Variants in CACNA2D1 observed in about 807,000 individuals in gnomAD.
CACNA2D1 encodes calcium voltage-gated channel auxiliary subunit alpha2delta 1, also known as voltage-dependent calcium channel subunit alpha-2/delta-1.
CACNA2D1 carries 53 observed loss-of-function variants against 171.5 expected under a neutral mutation model. The observed-to-expected ratio is 0.31, with a 90% CI of 0.25 to 0.39. The LOEUF (loss-of-function observed/expected upper bound fraction) is 0.39, where lower values mean the gene tolerates loss of function less well. Ranked by LOEUF, CACNA2D1 falls within the 10% of genes least tolerant of loss-of-function variation. The pLI is 1.00. For missense variants in CACNA2D1, 903 were observed against 1,299.8 expected, an observed-to-expected ratio of 0.69 and a Z score of 4.69; for synonymous variants, 442 against 443.1, an observed-to-expected ratio of 1.00 and a Z score of 0.03.
At position 82,388,690 on chromosome 7, in the gene CACNA2D1, C is replaced by A. The variant is rs187085968; in HGVS notation, c.96-39041G>T. The stretch of plus-strand genomic sequence containing the variant: ...TATATGAGGTCCTGTACAGTGTGCA[C>A]CTTCTGCAGACGAGAAAAGAATGCT... On this transcript the variant is annotated intron_variant, in intron 1 of 38. Coordinates refer to ENST00000356860, the MANE Select transcript of CACNA2D1 (RefSeq NM_000722.4). 3.7e-3 allele frequency among the ~76,000 whole-genome samples: 565 copies of A among 152,296 alleles called. 3 individuals carry two copies. The highest frequency in any genetic ancestry group is 0.012 in the African/African-American group (511 of 41,554).
At chr7:82,170,703 C>G in intron 3 of CACNA2D1, 94 bp from the exon 4 acceptor site, 1 of 1,085,620 alleles carries the variant, frequency 9.2e-7, no homozygotes, top group Non-Finnish European at 1.4e-6. Context: ...ATTTTGAGGA[C>G]ATAAAAAGCA....
intron 6 of CACNA2D1, among the ~76,000 whole-genome samples, chr7:82,105,534 T>G (rs1351112135): frequency 1.3e-5 from 2 of 150,652 alleles, no homozygotes; most frequent in Admixed American, 6.6e-5. Flanking sequence ...AGGTGTAGAT[T>G]AAATAGAGGA....
At chr7:82,062,227 T>C (rs1197479817) in intron 9 of CACNA2D1, among the ~76,000 whole-genome samples, 3 of 152,148 alleles carry the variant, frequency 2.0e-5, no homozygotes, top group East Asian at 1.9e-4. Context: ...AGAAACAAGA[T>C]AGAGGCAACC....
chr7:82,191,878 T>TA lies in CACNA2D1; in HGVS notation c.295-21270dup, dbSNP rs1798330999. ...GCTGTAACATACAAGCTTAATGAGA[T>TA]ACGCTTTTCTCTCAATGAGGTTTCA... On this transcript the variant is annotated intron_variant, in intron 3 of 38. Coordinates refer to ENST00000356860, the MANE Select transcript of CACNA2D1 (RefSeq NM_000722.4). 2.6e-5 allele frequency among the ~76,000 whole-genome samples: 4 copies of TA among 151,926 alleles called. No individual in the cohort carries two copies. In the South Asian group the frequency reaches 8.3e-4, roughly 31 times the overall value.
intron 21 of CACNA2D1, among the ~76,000 whole-genome samples, chr7:81,989,006 G>T (rs935058948): frequency 6.6e-6 from 1 of 152,128 alleles, no homozygotes; most frequent in African/African-American, 2.4e-5. Flanking sequence ...ATTTTAAATA[G>T]GATCGTTGGA....
intron 1 of CACNA2D1, among the ~76,000 whole-genome samples, chr7:82,394,700 T>A (rs920946733): frequency 6.6e-6 from 1 of 152,204 alleles, no homozygotes; most frequent in Admixed American, 6.5e-5. Flanking sequence ...TAAAGATTTA[T>A]CAAATTCAGG....
intron 6 of CACNA2D1, among the ~76,000 whole-genome samples, chr7:82,086,688 A>C (rs1034682713): frequency 6.6e-6 from 1 of 152,162 alleles, no homozygotes; most frequent in African/African-American, 2.4e-5. Context: ...TTTATGATCC[A>C]GATAGACTTC....
intron 11 of CACNA2D1, 68 bp from the exon 12 acceptor site, chr7:82,032,969 A>G: frequency 1.1e-6 from 1 of 886,230 alleles, no homozygotes; most frequent in Non-Finnish European, 1.9e-6. Flanking sequence ...ATAAAGCTAT[A>G]TGGAACGAGC....
chr7:82,049,226 C>T (rs1469184574), intron 10 of CACNA2D1, among the ~76,000 whole-genome samples: 1 of 151,246 alleles, frequency 6.6e-6, no homozygotes, highest in Non-Finnish European at 1.5e-5. Flanking sequence ...TTCTTACTGT[C>T]CATAATTTCT....
intron 3 of CACNA2D1, among the ~76,000 whole-genome samples, chr7:82,319,457 G>A (rs1815539867): frequency 6.6e-6 from 1 of 152,192 alleles, no homozygotes; most frequent in Non-Finnish European, 1.5e-5. Flanking sequence ...TTCTGCAAGA[G>A]TCAAACTTGT....
intron 19 of CACNA2D1, 125 bp from the exon 20 acceptor site, chr7:81,995,064 G>A (rs1797904618): frequency 1.7e-6 from 1 of 598,710 alleles, no homozygotes; most frequent in Non-Finnish European, 3.0e-6. Context: ...AAAATAGGGG[G>A]TTAGTTTTAC....
intron 9 of CACNA2D1, among the ~76,000 whole-genome samples, chr7:82,062,284 T>A (rs1807030218): frequency 6.6e-6 from 1 of 152,140 alleles, no homozygotes. Flanking sequence ...GCATTTTCAA[T>A]CCTCTACCTC....
chr7:82,338,197 CAA>C (rs1412228420), intron 2 of CACNA2D1, among the ~76,000 whole-genome samples: 1 of 151,982 alleles, frequency 6.6e-6, no homozygotes, highest in Admixed American at 6.6e-5. Context: ...TGATATTACT[CAA>C]TGATATAATT....
chr7:82,443,689 C>T lies in CACNA2D1; in HGVS notation c.-230G>A, dbSNP rs961455522. On this transcript the variant is annotated 5_prime_UTR_variant, in exon 1 of 39. Coordinates refer to ENST00000356860, the MANE Select transcript of CACNA2D1 (RefSeq NM_000722.4). The stretch of plus-strand genomic sequence containing the variant: ...ACCCACTAGCGTGCGTCGGCTGCTC[C>T]GCGCCGCGGCCGCCTTGCCTCCGCC... The T allele has an allele frequency of 4.9e-6, 6 of 1,236,830 alleles. No homozygotes were observed. Among genetic ancestry groups the T allele is most frequent in the African/African-American group, 4.7e-5 (3 of 64,260 alleles). The allele number at this position is 1,236,830 out of a possible 1,614,324, so 76.6% of individuals were successfully genotyped here.
chr7:82,161,496 G>A (rs1794943566), intron 4 of CACNA2D1, among the ~76,000 whole-genome samples: 1 of 152,002 alleles, frequency 6.6e-6, no homozygotes, highest in South Asian at 2.1e-4. Context: ...GAGATGAAGA[G>A]AAATGAATGC....
chr7:81,992,248 C>T (rs750196751), intron 20 of CACNA2D1, among the ~76,000 whole-genome samples: 5 of 152,146 alleles, frequency 3.3e-5, no homozygotes, highest in Non-Finnish European at 5.9e-5. Context: ...AGGCACTATG[C>T]TAAGCACCTG....
chr7:82,354,409 T>C (rs775775015), intron 1 of CACNA2D1, among the ~76,000 whole-genome samples: 3 of 152,052 alleles, frequency 2.0e-5, no homozygotes, highest in African/African-American at 4.8e-5. Flanking sequence ...AAGTGGGGGA[T>C]GAATTAAGAA....
chr7:82,022,882 C>CT (rs1477648200), intron 12 of CACNA2D1, among the ~76,000 whole-genome samples: 9 of 151,744 alleles, frequency 5.9e-5, no homozygotes, highest in Admixed American at 3.3e-4. Context: ...ATATCATATG[C>CT]TTTTTTCTCA....
intron 1 of CACNA2D1, among the ~76,000 whole-genome samples, chr7:82,380,173 T>A (rs937221698): frequency 2.6e-5 from 4 of 152,194 alleles, no homozygotes; most frequent in African/African-American, 9.6e-5. Context: ...GCATGGTTCA[T>A]TTCAAATCTC....
Sources: gnomAD v4.1 joint callset for allele counts (sites outside exome capture counted in the v4.1 genomes callset) on GRCh38, gnomAD v4.1.1 for gene constraint, MANE v1.5 for transcripts, NCBI Gene and HGNC (gene_info 2026-07-23, HGNC 2026-07-21) for gene names.